The following MED13 variants were observed in gnomAD, a reference collection of about 807,000 sequenced individuals.
MED13 encodes mediator complex subunit 13, also known as mediator of RNA polymerase II transcription subunit 13.
In MED13, 23 loss-of-function variants were observed where a neutral mutation model predicts 225.2. The ratio of observed to expected loss-of-function variants is 0.10; its 90% CI spans 0.07 to 0.14. MED13 has a LOEUF of 0.14. Among genes scored for constraint, MED13 ranks in the 10% least tolerant of loss-of-function variants. The pLI, the probability that MED13 is intolerant of heterozygous loss-of-function variation, is 1.00. For synonymous variants in MED13, 942 were observed against 889.2 expected (o/e 1.06, Z -1.06); for missense variants, 2,197 against 2,594.5 (o/e 0.85, Z 3.33).
intron 2 of MED13, among the ~76,000 whole-genome samples, chr17:62,062,268 A>G (rs750534344): frequency 6.6e-6 from 1 of 152,226 alleles, no homozygotes; most frequent in Non-Finnish European, 1.5e-5. Context: ...TTCAGTTAAT[A>G]CTGACTTTCA....
chr17:61,977,609 G>A (rs1326523284), intron 16 of MED13, among the ~76,000 whole-genome samples: 1 of 152,052 alleles, frequency 6.6e-6, no homozygotes. Flanking sequence ...CCGCCACCAC[G>A]CCTGGCTAAT....
chr17:61,982,993 G>A lies in MED13; in HGVS notation c.3010C>T (p.Pro1004Ser). The change falls in exon 16 of 30, where the codon CCA (proline) becomes TCA (serine). Residue 1004 changes from proline to serine, a missense_variant. Pro to Ser is a moderately conservative substitution (Grantham distance 74). This residue lies in a region of MED13 where 99 missense variants were observed against 158.5 expected (regional missense o/e 0.62). Coordinates refer to ENST00000397786, the MANE Select transcript of MED13 (RefSeq NM_005121.3). ...SNSGAGILPSPSTPRFPTPRT... is the reference protein window; with the variant it reads ...SNSGAGILPSSSTPRFPTPRT... The stretch of plus-strand genomic sequence containing the variant: ...GGAGTTGGAAACCGAGGGGTGGATG[G>A]AGAAGGAAGAATTCCTGCTCCGCTG... 3 of 1,614,092 alleles carry A rather than the reference G, an allele frequency of 1.9e-6. No individual in the cohort carries two copies. Among genetic ancestry groups the A allele is most frequent in the Non-Finnish European group, 2.5e-6 (3 of 1,180,008 alleles).
chr17:61,948,959 G>T (rs377584426), intron 28 of MED13, among the ~76,000 whole-genome samples: 47 of 150,310 alleles, frequency 3.1e-4, no homozygotes, highest in African/African-American at 1.1e-3. Flanking sequence ...GTAGTGGCGG[G>T]CGCCTGTAGT....
rs538089042 is a variant in MED13 at position 61,980,731 on chromosome 17, A to C, written c.3805+1467T>G. On this transcript the variant is annotated intron_variant, in intron 16 of 29. Transcript: ENST00000397786. The stretch of plus-strand genomic sequence containing the variant: ...TTCTGTTCTCACTTTCACTACTTCC[A>C]AACCCCAACGCTATTTTCCACACAA... Among the ~76,000 whole-genome samples, 261 of 152,198 alleles carry C rather than the reference A, an allele frequency of 1.7e-3. 2 individuals carry two copies. Among genetic ancestry groups the C allele is most frequent in the African/African-American group, 5.9e-3 (244 of 41,516 alleles).
At chr17:62,017,742 AG>A (rs1470767237) in intron 8 of MED13, among the ~76,000 whole-genome samples, 2 of 152,246 alleles carry the variant, frequency 1.3e-5, no homozygotes, top group Non-Finnish European at 2.9e-5. Context: ...GTATCACTTA[AG>A]AATGTCCTTC....
At chr17:62,056,506 T>C (rs1217292712) in intron 2 of MED13, among the ~76,000 whole-genome samples, 1 of 152,202 alleles carries the variant, frequency 6.6e-6, no homozygotes, top group Non-Finnish European at 1.5e-5. Flanking sequence ...CTCATGCCTG[T>C]AATCCCAGCT....
Position 61,984,697 on chromosome 17 carries a change from ATTT to A in MED13, c.2642_2644del (p.Lys881del). 1 of 1,613,862 alleles carries A rather than the reference ATTT, an allele frequency of 6.2e-7. No homozygotes were observed. Among genetic ancestry groups the A allele is most frequent in the Non-Finnish European group, 8.5e-7 (1 of 1,179,882 alleles). On this transcript the variant is annotated inframe_deletion, in exon 14 of 30. Transcript: ENST00000397786. The stretch of plus-strand genomic sequence containing the variant: ...GCTACAGAATCCCTCATCAACCTCA[ATTT>A]TGAACTGCGCTCCTATACTAGAACT...
At position 62,012,092 on chromosome 17, in the gene MED13, T is replaced by C. The variant is rs1052703747; in HGVS notation, c.1284-859A>G. Among the ~76,000 whole-genome samples the C allele has an allele frequency of 4.0e-5, 6 of 151,662 alleles. No homozygotes were observed. The East Asian group carries it at 1.2e-3, about 30-fold the overall frequency. On this transcript the variant is annotated intron_variant, in intron 8 of 29. Coordinates refer to ENST00000397786, the MANE Select transcript of MED13 (RefSeq NM_005121.3). ...TTAGCCAGGTGTGGTGGCACGCGCC[T>C]GTAGTCCCACCTACTCGAGAGGCTG...
chr17:62,001,430 C>CTTTCA (rs2080394077), intron 9 of MED13, among the ~76,000 whole-genome samples: 1 of 152,176 alleles, frequency 6.6e-6, no homozygotes, highest in African/African-American at 2.4e-5. Flanking sequence ...TTCAAGCAAC[C>CTTTCA]TTTCAATAAC....
chr17:61,967,919 C>T, intron 18 of MED13, 116 bp downstream of exon 18: 1 of 765,674 alleles, frequency 1.3e-6, no homozygotes. Context: ...GAGAAATAAA[C>T]ATCTAATCTG....
intron 11 of MED13, among the ~76,000 whole-genome samples, chr17:61,988,701 GC>G (rs531206383): frequency 8.3e-4 from 126 of 151,796 alleles, no homozygotes; most frequent in Non-Finnish European, 1.3e-3. Flanking sequence ...TAGGTAAGTA[GC>G]CCAAACAACC....
intron 17 of MED13, among the ~76,000 whole-genome samples, chr17:61,970,729 T>TTG (rs199862381): frequency 0.092 from 13,202 of 144,172 alleles, 968 homozygotes; most frequent in Non-Finnish European, 0.16. Context: ...TATTTAGGTT[T>TTG]TTTTTTTTTT....
chr17:61,998,258 A>G lies in MED13; in HGVS notation c.1968-2893T>C, dbSNP rs186895074. Among the ~76,000 whole-genome samples, 240 of 152,330 alleles carry G rather than the reference A, an allele frequency of 1.6e-3. 2 individuals are homozygous for G. Among genetic ancestry groups the G allele is most frequent in the African/African-American group, 5.4e-3 (225 of 41,586 alleles). ...TTCACATACAGCCAAATAATTAACT[A>G]CAGACACAGTTTCAATTAGACATAA... is the stretch of plus-strand genomic sequence containing the variant. On this transcript the variant is annotated intron_variant, in intron 9 of 29. Transcript: ENST00000397786.
chr17:62,008,044 G>A (rs939641711), intron 9 of MED13, among the ~76,000 whole-genome samples: 1 of 122,790 alleles, frequency 8.1e-6, no homozygotes, highest in Non-Finnish European at 1.6e-5. Flanking sequence ...AAAGCTGTGC[G>A]CAGTGGCTCA....
intron 17 of MED13, among the ~76,000 whole-genome samples, chr17:61,970,212 C>G (rs1028193546): frequency 7.9e-5 from 12 of 152,204 alleles, no homozygotes; most frequent in African/African-American, 2.9e-4. Context: ...ATTTCTCTAG[C>G]ATTTCACAAG....
chr17:61,969,120 C>A (rs1005237715), intron 17 of MED13, among the ~76,000 whole-genome samples: 11 of 152,058 alleles, frequency 7.2e-5, no homozygotes, highest in African/African-American at 2.7e-4. Context: ...CTTTGGGAGG[C>A]CGAGGTGGGC....
intron 9 of MED13, among the ~76,000 whole-genome samples, chr17:62,002,354 T>G (rs1409595788): frequency 6.6e-6 from 1 of 152,054 alleles, no homozygotes; most frequent in African/African-American, 2.4e-5. Context: ...CCAGGTGTGG[T>G]GGCACACGCC....
chr17:61,975,236 A>T (rs1173154742), intron 16 of MED13, among the ~76,000 whole-genome samples: 2 of 152,228 alleles, frequency 1.3e-5, no homozygotes, highest in African/African-American at 4.8e-5. Flanking sequence ...TATCCAAGAT[A>T]TATAAAGAAC....
chr17:61,971,113 T>A (rs6504077), intron 17 of MED13, among the ~76,000 whole-genome samples: 55,785 of 151,854 alleles, frequency 0.37, 12,465 homozygotes, highest in East Asian at 0.72. Flanking sequence ...ATAATGGTGG[T>A]AACAATTTGT....
Sources: gnomAD v4.1 joint callset for allele counts (sites outside exome capture counted in the v4.1 genomes callset) on GRCh38, gnomAD v4.1.1 for gene constraint, gnomAD v4.1.1 regional missense constraint, MANE v1.5 for transcripts, NCBI Gene and HGNC (gene_info 2026-07-23, HGNC 2026-07-21) for gene names.